ABTB3: variants seen among roughly 807,000 people sequenced by gnomAD.
The protein encoded by ABTB3 is ankyrin repeat and BTB domain containing 3.
chr12:107,657,843 G>A, the ABTB3 span: 3 of 878,420 alleles, frequency 3.4e-6, no homozygotes, highest in Middle Eastern at 3.5e-4. Flanking sequence ...TGCCTCTACT[G>A]CTCCCACGTG....
the ABTB3 span, among the ~76,000 whole-genome samples, chr12:107,440,194 C>T: frequency 1.6e-4 from 24 of 152,296 alleles, no homozygotes; most frequent in Admixed American, 9.2e-4. Context: ...TGTGTGGGTC[C>T]GTGACATAGA....
the ABTB3 span, among the ~76,000 whole-genome samples, chr12:107,539,616 C>T: frequency 6.6e-6 from 1 of 152,190 alleles, no homozygotes; most frequent in Non-Finnish European, 1.5e-5. Flanking sequence ...AGAATGCTGG[C>T]AGGACTACCC....
chr12:107,397,831 T>C, the ABTB3 span, among the ~76,000 whole-genome samples: 1 of 152,156 alleles, frequency 6.6e-6, no homozygotes, highest in Non-Finnish European at 1.5e-5. Flanking sequence ...CTAAGGAAAG[T>C]CATTGGTCCC....
At chr12:107,328,205 A>C in the ABTB3 span, among the ~76,000 whole-genome samples, 1 of 152,196 alleles carries the variant, frequency 6.6e-6, no homozygotes, top group Non-Finnish European at 1.5e-5. Context: ...CATTTTACAG[A>C]TTAAGAAGTT....
chr12:107,533,711 A>C, the ABTB3 span, among the ~76,000 whole-genome samples: 1 of 152,250 alleles, frequency 6.6e-6, no homozygotes, highest in Admixed American at 6.5e-5. Flanking sequence ...AGTAATGGAC[A>C]GATCATCCAG....
chr12:107,586,808 G>A, the ABTB3 span, among the ~76,000 whole-genome samples: 3 of 152,158 alleles, frequency 2.0e-5, no homozygotes, highest in East Asian at 1.9e-4. Context: ...GGTGGGAGGT[G>A]GGCAGAGAGA....
At chr12:107,476,022 A>G in the ABTB3 span, among the ~76,000 whole-genome samples, 12 of 152,200 alleles carry the variant, frequency 7.9e-5, no homozygotes, top group South Asian at 6.2e-4. Context: ...TCACACTTCC[A>G]TAGAATGCAG....
the ABTB3 span, chr12:107,619,876 G>A: frequency 9.5e-7 from 1 of 1,050,840 alleles, no homozygotes; most frequent in Non-Finnish European, 1.3e-6. Context: ...ATGTCCTGGG[G>A]AAAAGCCAAC....
the ABTB3 span, among the ~76,000 whole-genome samples, chr12:107,516,623 G>A: frequency 0.41 from 62,665 of 152,060 alleles, 14,000 homozygotes; most frequent in African/African-American, 0.58. Flanking sequence ...ATGTGAAGGT[G>A]AAATATTTAG....
At chr12:107,517,009 A>T in the ABTB3 span, among the ~76,000 whole-genome samples, 7 of 152,150 alleles carry the variant, frequency 4.6e-5, no homozygotes, top group Admixed American at 1.3e-4. Context: ...TTTAGGTCTA[A>T]TATTTAAGTC....
chr12:107,353,721 C>T, the ABTB3 span, among the ~76,000 whole-genome samples: 1 of 152,156 alleles, frequency 6.6e-6, no homozygotes, highest in Admixed American at 6.5e-5. Context: ...TGAGCATTAC[C>T]GCCTGAGCTC....
the ABTB3 span, among the ~76,000 whole-genome samples, chr12:107,626,988 T>C: frequency 6.6e-6 from 1 of 151,996 alleles, no homozygotes; most frequent in Admixed American, 6.6e-5. Context: ...TCTCTAAAAA[T>C]AAAAATTAAA....
the ABTB3 span, among the ~76,000 whole-genome samples, chr12:107,364,688 C>T: frequency 6.6e-6 from 1 of 152,020 alleles, no homozygotes; most frequent in African/African-American, 2.4e-5. Flanking sequence ...TGCATGAATT[C>T]GTGTTGATGG....
At chr12:107,654,359 C>T in the ABTB3 span, among the ~76,000 whole-genome samples, 1 of 152,180 alleles carries the variant, frequency 6.6e-6, no homozygotes, top group Non-Finnish European at 1.5e-5. Context: ...AGTGCAGTGA[C>T]ATGATCTCAG....
At chr12:107,543,871 C>A in the ABTB3 span, 1 of 1,448,270 alleles carries the variant, frequency 6.9e-7, no homozygotes, top group South Asian at 1.3e-5. Flanking sequence ...CAGAGATCTT[C>A]AGGTACAGTT....
chr12:107,460,696 T>A, the ABTB3 span, among the ~76,000 whole-genome samples: 4 of 152,110 alleles, frequency 2.6e-5, no homozygotes, highest in Non-Finnish European at 5.9e-5. Context: ...TAGCTCTCCC[T>A]CAGAGGGGCC....
At chr12:107,341,034 G>A in the ABTB3 span, among the ~76,000 whole-genome samples, 3 of 152,096 alleles carry the variant, frequency 2.0e-5, no homozygotes, top group Non-Finnish European at 4.4e-5. Context: ...TGCGAACAGC[G>A]GGCCGTGGGA....
the ABTB3 span, chr12:107,651,687 C>G: frequency 1.2e-6 from 2 of 1,613,994 alleles, no homozygotes; most frequent in South Asian, 2.2e-5. Context: ...CTGTCTGCTG[C>G]TAAGTTTTTC....
the ABTB3 span, among the ~76,000 whole-genome samples, chr12:107,368,674 C>T: frequency 6.6e-6 from 1 of 152,158 alleles, no homozygotes; most frequent in East Asian, 1.9e-4. Context: ...CCAGGTGAGT[C>T]TCTGGAACTG....
Sources: allele counts gnomAD v4.1 joint callset (sites outside exome capture counted in the v4.1 genomes callset), GRCh38; gene constraint gnomAD v4.1.1; transcripts MANE v1.5; gene names NCBI Gene and HGNC (gene_info 2026-07-23, HGNC 2026-07-21).